THSD4: variants seen among roughly 807,000 people sequenced by gnomAD.
THSD4 encodes the protein thrombospondin type-1 domain-containing protein 4.
In THSD4, 69 loss-of-function variants were observed where a neutral mutation model predicts 119.0. The observed-to-expected ratio is 0.58, with a 90% CI of 0.48 to 0.71. The LOEUF (loss-of-function observed/expected upper bound fraction) is 0.71, where lower values mean the gene tolerates loss of function less well. Ranked by LOEUF, THSD4 falls within the 30% of genes least tolerant of loss-of-function variation. The pLI, the probability that THSD4 is intolerant of heterozygous loss-of-function variation, is 0.00. For synonymous variants in THSD4, 524 were observed against 540.4 expected, an observed-to-expected ratio of 0.97 and a Z score of 0.42; for missense variants, 1,393 against 1,391.1, an observed-to-expected ratio of 1.00 and a Z score of -0.02.
intron 8 of THSD4, among the ~76,000 whole-genome samples, chr15:71,719,419 CA>C (rs1276386058): frequency 6.6e-6 from 1 of 152,204 alleles, no homozygotes; most frequent in Non-Finnish European, 1.5e-5. Flanking sequence ...GACATTACAT[CA>C]AACTAGACTT....
intron 7 of THSD4, among the ~76,000 whole-genome samples, chr15:71,509,907 G>A (rs1395042625): frequency 6.6e-6 from 1 of 152,104 alleles, no homozygotes; most frequent in Non-Finnish European, 1.5e-5. Context: ...TGTTTCATTG[G>A]CTTTAAAAAG....
rs145870302 is a variant in THSD4 at position 71,482,520 on chromosome 15, G to A, written c.1152+70697G>A. On this transcript the variant is annotated intron_variant, in intron 7 of 17. Coordinates refer to ENST00000261862, the MANE Select transcript of THSD4 (RefSeq NM_024817.3). ...TTAGCCAGGATGGTCTTGATATCCTGACCTCGTGATCTGCCTGCCTCGGCC... is the reference window on the plus strand; with the variant it reads ...TTAGCCAGGATGGTCTTGATATCCTAACCTCGTGATCTGCCTGCCTCGGCC... Among the ~76,000 whole-genome samples the A allele has an allele frequency of 3.4e-3, 522 of 152,060 alleles. 2 individuals carry two copies. The highest frequency in any genetic ancestry group is 0.012 in the African/African-American group (490 of 41,482).
intron 6 of THSD4, among the ~76,000 whole-genome samples, chr15:71,279,150 A>AG (rs1053368906): frequency 6.6e-6 from 1 of 152,154 alleles, no homozygotes; most frequent in African/African-American, 2.4e-5. Context: ...GAGAAAATGG[A>AG]GGGGAGGACT....
chr15:71,383,317 C>T (rs2046250682), intron 6 of THSD4, among the ~76,000 whole-genome samples: 1 of 152,080 alleles, frequency 6.6e-6, no homozygotes, highest in Non-Finnish European at 1.5e-5. Flanking sequence ...TGATTTTTTT[C>T]CTAAATTTGC....
intron 3 of THSD4, among the ~76,000 whole-genome samples, chr15:71,157,231 C>T (rs892391909): frequency 1.3e-5 from 2 of 152,126 alleles, no homozygotes; most frequent in African/African-American, 4.8e-5. Context: ...AAAAGGTCCC[C>T]AAATAGGTAT....
intron 6 of THSD4, among the ~76,000 whole-genome samples, chr15:71,321,637 C>A (rs1399343096): frequency 6.6e-6 from 1 of 152,126 alleles, no homozygotes; most frequent in East Asian, 1.9e-4. Context: ...ATTTTGAAAT[C>A]ATATTCTAAG....
intron 6 of THSD4, among the ~76,000 whole-genome samples, chr15:71,352,939 G>A (rs936619792): frequency 1.3e-5 from 2 of 152,276 alleles, no homozygotes; most frequent in Non-Finnish European, 2.9e-5. Flanking sequence ...AAGCCCAAAC[G>A]TTCTGGGAAA....
At chr15:71,241,465 G>T (rs930583562) in intron 4 of THSD4, among the ~76,000 whole-genome samples, 2 of 152,086 alleles carry the variant, frequency 1.3e-5, no homozygotes, top group African/African-American at 4.8e-5. Context: ...CCTGCATTGT[G>T]ATCTAGTTGC....
rs765127297 is a variant in THSD4, at chr15:71,466,212, C to T, written c.1152+54389C>T. On this transcript the variant is annotated intron_variant, in intron 7 of 17. Coordinates refer to ENST00000261862, the MANE Select transcript of THSD4 (RefSeq NM_024817.3). ...AAAATACAAAAAAAAATTAGCTGGG[C>T]GTGGTAGCTGTAGTCCCAGCTACTC... 9.2e-5 allele frequency among the ~76,000 whole-genome samples: 14 copies of T among 151,642 alleles called. No homozygotes were observed. In the East Asian group the frequency reaches 2.3e-3, roughly 25 times the overall value.
rs1232134324 is a variant in THSD4, at chr15:71,484,580, T to G, written c.1152+72757T>G. Among the ~76,000 whole-genome samples the G allele has an allele frequency of 2.0e-5, 3 of 152,174 alleles. No individual in the cohort carries two copies. In the East Asian group the frequency reaches 5.8e-4, roughly 29 times the overall value. On this transcript the variant is annotated intron_variant, in intron 7 of 17. Coordinates refer to ENST00000261862, the MANE Select transcript of THSD4 (RefSeq NM_024817.3). Reference sequence around the variant, plus strand: ...TTCCTCATCATCCTTTCAGCATACCTGTGATCTCATACAGCCCTCTTTAAA... The same window carrying G: ...TTCCTCATCATCCTTTCAGCATACCGGTGATCTCATACAGCCCTCTTTAAA...
intron 5 of THSD4, among the ~76,000 whole-genome samples, chr15:71,250,369 A>C (rs923064524): frequency 6.6e-6 from 1 of 152,200 alleles, no homozygotes; most frequent in Non-Finnish European, 1.5e-5. Flanking sequence ...TCAGGGTCTC[A>C]CTGTGTTGTC....
chr15:71,264,372 C>T (rs192887811), intron 6 of THSD4, among the ~76,000 whole-genome samples: 1 of 152,300 alleles, frequency 6.6e-6, no homozygotes, highest in Admixed American at 6.5e-5. Flanking sequence ...CTGGAATGCT[C>T]CCCACAAGAT....
chr15:71,261,809 T>C (rs2140294889), intron 6 of THSD4, among the ~76,000 whole-genome samples: 1 of 152,362 alleles, frequency 6.6e-6, no homozygotes, highest in Admixed American at 6.5e-5. Flanking sequence ...CATGTGTTAC[T>C]AGAAAATAAT....
In THSD4 at chr15:71,584,010, G is replaced by T. The variant is rs531707557; in HGVS notation, c.1153-76520G>T. 7.2e-5 allele frequency among the ~76,000 whole-genome samples: 11 copies of T among 152,058 alleles called. No homozygotes were observed. The South Asian group carries it at 1.9e-3, about 26-fold the overall frequency. ...TGTTAGTTAGACTGGGGTACTAAAG[G>T]CCCCTATTATTATTGTAATGCTGTC... On this transcript the variant is annotated intron_variant, in intron 7 of 17. Coordinates refer to ENST00000261862, the MANE Select transcript of THSD4 (RefSeq NM_024817.3).
chr15:71,691,967 G>C (rs1421253489), intron 8 of THSD4, among the ~76,000 whole-genome samples: 1 of 152,202 alleles, frequency 6.6e-6, no homozygotes, highest in Admixed American at 6.5e-5. Flanking sequence ...AAACACAGCA[G>C]TGTGGTTGGG....
chr15:71,703,255 G>A lies in THSD4; in HGVS notation c.1358-25294G>A, dbSNP rs187834962. ...TTCCCAAAGTGCTGGGGTTATAGGCGTGAGCCACCACACTCGGCCAGGCTC... is the reference window on the plus strand; with the variant it reads ...TTCCCAAAGTGCTGGGGTTATAGGCATGAGCCACCACACTCGGCCAGGCTC... On this transcript the variant is annotated intron_variant, in intron 8 of 17. Coordinates refer to ENST00000261862, the MANE Select transcript of THSD4 (RefSeq NM_024817.3). Among the ~76,000 whole-genome samples the A allele has an allele frequency of 1.7e-4, 26 of 152,314 alleles. No individual in the cohort carries two copies. In the East Asian group the frequency reaches 1.9e-3, roughly 11 times the overall value.
At chr15:71,242,502 G>A in intron 4 of THSD4, 147 bp from the exon 5 acceptor site, 1 of 802,148 alleles carries the variant, frequency 1.2e-6, no homozygotes, top group Non-Finnish European at 2.0e-6. Context: ...CTTCTAAAAT[G>A]CGTTCCCCCT....
At chr15:71,726,137 C>G (rs928851911) in intron 8 of THSD4, among the ~76,000 whole-genome samples, 5 of 152,208 alleles carry the variant, frequency 3.3e-5, no homozygotes, top group Admixed American at 6.5e-5. Context: ...TCTGTTCTTC[C>G]TCAGTTTCCA....
chr15:71,392,137 A>G (rs1312686770), intron 6 of THSD4, among the ~76,000 whole-genome samples: 2 of 152,210 alleles, frequency 1.3e-5, no homozygotes, highest in Admixed American at 6.5e-5. Context: ...AGAATATGCA[A>G]ATGAAGCCTT....
Sources: allele counts gnomAD v4.1 joint callset (sites outside exome capture counted in the v4.1 genomes callset), GRCh38; gene constraint gnomAD v4.1.1; transcripts MANE v1.5; gene names NCBI Gene and HGNC (gene_info 2026-07-23, HGNC 2026-07-21).